The following AHNAK2 variants were observed in gnomAD, a reference collection of about 807,000 sequenced individuals.
AHNAK2 encodes protein AHNAK2.
In AHNAK2, 18 loss-of-function variants were observed where a neutral mutation model predicts 30.7. That is an observed-to-expected ratio of 0.59 (90% CI 0.41 to 0.87). The LOEUF is 0.87. Among genes scored for constraint, AHNAK2 ranks in the 40% least tolerant of loss-of-function variants. The pLI is 0.00. For missense variants in AHNAK2, 8,604 were observed against 7,373.0 expected (o/e 1.17, Z -6.11); for synonymous variants, 3,590 against 3,073.8 (o/e 1.17, Z -5.56).
rs781164680 is a variant in AHNAK2, at chr14:104,943,460, C to G, written c.11991G>C (p.Lys3997Asn). ...AAGGGAGGCTCACGTCGGCCTCCAC[C>G]TTTGGCGCGGTCACATCCACTGATG... Reference protein sequence around the residue: ...MEASVDVTAPKVEADVSLPSM... With the variant: ...MEASVDVTAPNVEADVSLPSM... The change falls in exon 7 of 7, where the codon AAG becomes AAC. Residue 3997 changes from lysine to asparagine, a missense_variant. Physicochemically the swap from Lys to Asn is moderately conservative, Grantham distance 94 (BLOSUM62 0). Coordinates refer to ENST00000333244, the MANE Select transcript of AHNAK2 (RefSeq NM_138420.4). 6.2e-7 allele frequency: 1 copy of G among 1,613,270 alleles called. No homozygotes were observed. The highest frequency in any genetic ancestry group is 8.5e-7 in the Non-Finnish European group (1 of 1,179,648).
Position 104,945,010 on chromosome 14 carries a change from G to A in AHNAK2, c.10441C>T (p.Pro3481Ser). 1 of 1,603,164 alleles carries A rather than the reference G, an allele frequency of 6.2e-7. No homozygotes were observed. Among genetic ancestry groups the A allele is most frequent in the Non-Finnish European group, 8.5e-7 (1 of 1,171,688 alleles). Residue 3481 changes from proline (P) to serine (S), a missense_variant, in exon 7 of 7, where the codon CCC becomes TCC. Coordinates refer to ENST00000333244, the MANE Select transcript of AHNAK2 (RefSeq NM_138420.4). ...SKFKMPKFKM[P>S]SFGVSAPGRS... ...CCTGGGGCCGACACCCCGAAGGAGG[G>A]CATCTTGAACTTGGGCATTTTGAAC... is the stretch of plus-strand genomic sequence containing the variant.
intron 1 of AHNAK2, among the ~76,000 whole-genome samples, chr14:104,971,369 C>T (rs1386652212): frequency 6.6e-6 from 1 of 152,148 alleles, no homozygotes; most frequent in African/African-American, 2.4e-5. Flanking sequence ...CCCGCCTTGG[C>T]CTCCCAAGTG....
At position 104,944,913 on chromosome 14, in the gene AHNAK2, T is replaced by C; in HGVS notation, c.10538A>G (p.Gln3513Arg). 2 of 1,613,014 alleles carry C rather than the reference T, an allele frequency of 1.2e-6. No homozygotes were observed. Among genetic ancestry groups the C allele is most frequent in the Non-Finnish European group, 1.7e-6 (2 of 1,179,582 alleles). Residue 3513 changes from glutamine to arginine, a missense_variant, in exon 7 of 7, where the codon CAG (glutamine) becomes CGG (arginine). By Grantham distance (43) the Gln-to-Arg change is conservative (BLOSUM62 1). Coordinates refer to ENST00000333244, the MANE Select transcript of AHNAK2 (RefSeq NM_138420.4). Reference protein sequence around the residue: ...VEADVSLSSMQGDLKATDLSI... With the variant: ...VEADVSLSSMRGDLKATDLSI... ...GAGGTCAGTGGCCTTGAGGTCCCCC[T>C]GCATGGAGGAGAGGCTCACGTCGGC...
rs571824160 is a variant in AHNAK2, at chr14:104,943,406, G to A, written c.12045C>T (p.Asp4015=). ...PSMQGDLKAT[D]LSVQPPSADL... is the part of the protein sequence containing the mutation. Reference sequence around the variant, plus strand: ...CAGCGGAAGGGGGCTGAACGCTGAGGTCAGTGGCCTTGAGGTCCCCCTGCA... The same window carrying A: ...CAGCGGAAGGGGGCTGAACGCTGAGATCAGTGGCCTTGAGGTCCCCCTGCA... The change falls in exon 7 of 7, where the codon GAC becomes GAT. Residue 4015 remains aspartate (D), a synonymous_variant. Coordinates refer to ENST00000333244, the MANE Select transcript of AHNAK2 (RefSeq NM_138420.4). 4 of 1,613,292 alleles carry A rather than the reference G, an allele frequency of 2.5e-6. No individual in the cohort carries two copies. In the African/African-American group the frequency reaches 5.3e-5, roughly 22 times the overall value.
rs746069215 is a variant in AHNAK2, at chr14:104,953,874, C to T, written c.1577G>A (p.Gly526Asp). 4 of 1,613,874 alleles carry T rather than the reference C, an allele frequency of 2.5e-6. No individual in the cohort carries two copies. Among genetic ancestry groups the T allele is most frequent in the African/African-American group, 1.3e-5 (1 of 74,940 alleles). The change falls in exon 7 of 7, where the codon GGC becomes GAC. Residue 526 changes from glycine to aspartate, a missense_variant. Transcript: ENST00000333244. ...TCCTTCCACCTCCTCACCCTTCAGG[C>T]CAGTACCCGCTTTTGAGGACGCATC... is the stretch of plus-strand genomic sequence containing the variant. ...RQDASSKAGT[G>D]LKGEEVEGAG...
chr14:104,958,203 C>G (rs1415923426), intron 1 of AHNAK2, among the ~76,000 whole-genome samples: 2 of 152,136 alleles, frequency 1.3e-5, no homozygotes, highest in African/African-American at 2.4e-5. Context: ...AATCCCAGGA[C>G]TTTGGGAGGC....
Position 104,941,903 on chromosome 14 carries a change from A to AG in AHNAK2, c.13547dup (p.Ser4517PhefsTer95). On this transcript the variant is annotated frameshift_variant, in exon 7 of 7. Coordinates refer to ENST00000333244, the MANE Select transcript of AHNAK2 (RefSeq NM_138420.4). LOFTEE classifies it low-confidence loss of function (END_TRUNC). ...CAGCCTGGACCTCCAGGTCGGCGGA[A>AG]GGGGCCTGAATGCGGAGGTCAGTGG... The AG allele has an allele frequency of 6.2e-7, 1 of 1,613,438 alleles. No individual in the cohort carries two copies. Among genetic ancestry groups the AG allele is most frequent in the Non-Finnish European group, 8.5e-7 (1 of 1,179,620 alleles).
Position 104,939,707 on chromosome 14 carries a change from T to G in AHNAK2, c.15744A>C (p.Leu5248=). The change falls in exon 7 of 7, where the codon CTA becomes CTC. Residue 5248 remains leucine, a synonymous_variant. Coordinates refer to ENST00000333244, the MANE Select transcript of AHNAK2 (RefSeq NM_138420.4). ...CTTCTGCATCTGCCTCTGGGAGCTG[T>G]AGGGACATAGCTGCCTCCACGTTTG... The part of the protein sequence containing the change: ...SGSNVEAAMS[L]QLPEADAEVT... 1 of 1,613,882 alleles carries G rather than the reference T, an allele frequency of 6.2e-7. No homozygotes were observed. Among genetic ancestry groups the G allele is most frequent in the Non-Finnish European group, 8.5e-7 (1 of 1,179,886 alleles).
In AHNAK2 at chr14:104,957,434, A is replaced by G. The variant is rs752356706; in HGVS notation, c.189T>C (p.Thr63=). The change falls in exon 3 of 7, where the codon ACT becomes ACC. Residue 63 remains threonine (T), a synonymous_variant. Transcript: ENST00000333244. Reference sequence around the variant, plus strand: ...CCTGGAGTCCAAAGTCGGCAGCCTCAGTCGTGTATTCGTAGACAGGTGAAG... The same window carrying G: ...CCTGGAGTCCAAAGTCGGCAGCCTCGGTCGTGTATTCGTAGACAGGTGAAG... ...QGSSPVYEYT[T]EAADFGLQED... is the part of the protein sequence containing the mutation. 17 of 1,592,978 alleles carry G rather than the reference A, an allele frequency of 1.1e-5. No individual in the cohort carries two copies. Among genetic ancestry groups the G allele is most frequent in the Non-Finnish European group, 1.5e-5 (17 of 1,164,518 alleles).
intron 3 of AHNAK2, among the ~76,000 whole-genome samples, 197 bp from the exon 4 acceptor site, chr14:104,956,886 C>T (rs1408822274): frequency 3.3e-5 from 5 of 152,180 alleles, no homozygotes; most frequent in South Asian, 2.1e-4. Flanking sequence ...TCCTGCTTCC[C>T]GACAGGGCCC....
In AHNAK2 at chr14:104,946,500, T is replaced by G; in HGVS notation, c.8951A>C (p.Lys2984Thr). ...GGCAGACACCCCGAACGACGGCATCTTGAACTTGGGCATTTTGAACTTGCT... is the reference window on the plus strand; with the variant it reads ...GGCAGACACCCCGAACGACGGCATCGTGAACTTGGGCATTTTGAACTTGCT... ...KDSKFKMPKF[K>T]MPSFGVSAPG... Residue 2984 changes from lysine (K) to threonine (T), a missense_variant, in exon 7 of 7, where the codon AAG becomes ACG. Transcript: ENST00000333244. 6.2e-7 allele frequency: 1 copy of G among 1,611,426 alleles called. No individual in the cohort carries two copies.
chr14:104,950,918 G>A lies in AHNAK2; in HGVS notation c.4533C>T (p.Ser1511=), dbSNP rs759160153. 3.2e-6 allele frequency: 5 copies of A among 1,556,946 alleles called. No homozygotes were observed. The highest frequency in any genetic ancestry group is 1.8e-5 in the Admixed American group (1 of 55,336). Residue 1511 remains serine, a synonymous_variant, in exon 7 of 7, where the codon TCC becomes TCT. Transcript: ENST00000333244. ...CAGACACATCCACTGAGGCCTCGAT[G>A]GACTTGCCTGGGGCAGACACCCCGA... ...PSFGVSAPGK[S]IEASVDVSAP...
chr14:104,940,332 A>T lies in AHNAK2; in HGVS notation c.15119T>A (p.Leu5040Gln). ...KMKASKSGVSLPQRDVDPSLS... is the reference protein window; with the variant it reads ...KMKASKSGVSQPQRDVDPSLS... ...GGAAGGATCCACGTCTCTCTGTGGC[A>T]GGCTGACCCCACTCTTAGAAGCCTT... Residue 5040 changes from leucine (L) to glutamine (Q), a missense_variant, in exon 7 of 7, where the codon CTG becomes CAG. Leu to Gln is a moderately radical substitution (Grantham distance 113). Transcript: ENST00000333244. The surrounding 1 kb of genome is among the most constrained non-coding windows in gnomAD (Gnocchi z 4.4). 6.2e-7 allele frequency: 1 copy of T among 1,613,802 alleles called. No individual in the cohort carries two copies. Among genetic ancestry groups the T allele is most frequent in the South Asian group, 1.1e-5 (1 of 91,080 alleles).
Position 104,945,674 on chromosome 14 carries a change from C to T in AHNAK2, c.9777G>A (p.Lys3259=). The T allele has an allele frequency of 1.9e-6, 3 of 1,595,180 alleles. No individual in the cohort carries two copies. The highest frequency in any genetic ancestry group is 2.6e-6 in the Non-Finnish European group (3 of 1,168,454). ...CCACGTCGGGGGCCGTCACATCCAT[C>T]TTCGGGCCTTTCAGGTCCAGCTTGG... The part of the protein sequence containing the change: ...KGPKLDLKGP[K]MDVTAPDVEV... The change falls in exon 7 of 7, where the codon AAG becomes AAA. Residue 3259 remains lysine, a synonymous_variant. Transcript: ENST00000333244.
rs765624271 is a variant in AHNAK2 at position 104,941,305 on chromosome 14, T to A, written c.14146A>T (p.Thr4716Ser). The A allele has an allele frequency of 6.2e-7, 1 of 1,613,226 alleles. No homozygotes were observed. The highest frequency in any genetic ancestry group is 1.1e-5 in the South Asian group (1 of 91,040). ...VPKVSFSSTK[T>S]PKDSLVPGAK... ...CCTGGGACTAAACTATCTTTAGGAG[T>A]TTTGGTAGAAGAAAATGAAACTTTG... Residue 4716 changes from threonine to serine, a missense_variant, in exon 7 of 7, where the codon ACT becomes TCT. Physicochemically the swap from Thr to Ser is moderately conservative, Grantham distance 58. Coordinates refer to ENST00000333244, the MANE Select transcript of AHNAK2 (RefSeq NM_138420.4).
rs1390338658 is a variant in AHNAK2 at position 104,948,579 on chromosome 14, G to A, written c.6872C>T (p.Pro2291Leu). Residue 2291 changes from proline (P) to leucine (L), a missense_variant, in exon 7 of 7, where the codon CCA (proline) becomes CTA (leucine). Coordinates refer to ENST00000333244, the MANE Select transcript of AHNAK2 (RefSeq NM_138420.4). ...LPSVEVDVKA[P>L]GAKLDGARLE... is the part of the protein sequence containing the mutation. ...CCGCGCACCATCCAGCTTGGCTCCT[G>A]GGGCCTTGACGTCCACCTCCACGCT... The A allele has an allele frequency of 9.3e-6, 15 of 1,612,334 alleles. No homozygotes were observed. Among genetic ancestry groups the A allele is most frequent in the Non-Finnish European group, 1.3e-5 (15 of 1,179,730 alleles).
In AHNAK2 at chr14:104,941,808, T is replaced by A; in HGVS notation, c.13643A>T (p.Lys4548Met). The part of the protein sequence containing the change: ...EVAGLKGHLP[K>M]VEMPSFKMPK... ...CATCTTGAAACTGGGCATCTCCACC[T>A]TGGGCAGGTGCCCTTTGAGGCCGGC... Residue 4548 changes from lysine to methionine, a missense_variant, in exon 7 of 7, where the codon AAG becomes ATG. Lys to Met is a moderately conservative substitution (Grantham distance 95). Coordinates refer to ENST00000333244, the MANE Select transcript of AHNAK2 (RefSeq NM_138420.4). 6.2e-7 allele frequency: 1 copy of A among 1,613,530 alleles called. No individual in the cohort carries two copies. The highest frequency in any genetic ancestry group is 8.5e-7 in the Non-Finnish European group (1 of 1,179,682).
rs763729491 is a variant in AHNAK2, at chr14:104,948,824, G to C, written c.6627C>G (p.Asp2209Glu). Reference sequence around the variant, plus strand: ...CCACCTGGCCAGCCTGGACCTTCACGTCGGCGGAAAGGGGCTGAATGCTGA... The same window carrying C: ...CCACCTGGCCAGCCTGGACCTTCACCTCGGCGGAAAGGGGCTGAATGCTGA... ...TDLSIQPLSA[D>E]VKVQAGQVDV... is the part of the protein sequence containing the mutation. Residue 2209 changes from aspartate (D) to glutamate (E), a missense_variant, in exon 7 of 7, where the codon GAC (aspartate) becomes GAG (glutamate). Asp to Glu is a conservative substitution (Grantham distance 45). Coordinates refer to ENST00000333244, the MANE Select transcript of AHNAK2 (RefSeq NM_138420.4). The C allele has an allele frequency of 1.2e-5, 19 of 1,612,202 alleles. 3 individuals carry two copies. The African/African-American group carries it at 2.0e-4, about 17-fold the overall frequency.
At position 104,943,675 on chromosome 14, in the gene AHNAK2, C is replaced by A; in HGVS notation, c.11776G>T (p.Asp3926Tyr). ...KDPKVEVTAP[D>Y]VEVSLPSVEV... ...ACGCTGGGCAGAGAAACCTCCACATCAGGGGCTGTCACTTCCACCTTGGGG... is the reference window on the plus strand; with the variant it reads ...ACGCTGGGCAGAGAAACCTCCACATAAGGGGCTGTCACTTCCACCTTGGGG... Residue 3926 changes from aspartate to tyrosine, a missense_variant, in exon 7 of 7, where the codon GAT (aspartate) becomes TAT (tyrosine). By Grantham distance (160) the Asp-to-Tyr change is radical. Coordinates refer to ENST00000333244, the MANE Select transcript of AHNAK2 (RefSeq NM_138420.4). The A allele has an allele frequency of 6.2e-7, 1 of 1,613,342 alleles. No individual in the cohort carries two copies. The highest frequency in any genetic ancestry group is 8.5e-7 in the Non-Finnish European group (1 of 1,179,670).
Sources: allele counts gnomAD v4.1 joint callset (sites outside exome capture counted in the v4.1 genomes callset), GRCh38; gene constraint gnomAD v4.1.1; non-coding constraint Gnocchi (gnomAD v3.1); transcripts MANE v1.5; gene names NCBI Gene and HGNC (gene_info 2026-07-23, HGNC 2026-07-21).